GPR85: variants seen among roughly 807,000 people sequenced by gnomAD.
GPR85 encodes the protein G protein-coupled receptor 85, also known as probable G protein-coupled receptor 85.
In GPR85, 7 loss-of-function variants were observed where a neutral mutation model predicts 21.3. The ratio of observed to expected loss-of-function variants is 0.33; its 90% CI spans 0.19 to 0.62. GPR85 has a LOEUF of 0.62. GPR85 is among the 20% of genes least tolerant of loss of function. The pLI is 0.80. For missense variants in GPR85, 299 were observed against 443.8 expected (o/e 0.67, Z 2.93); for synonymous variants, 167 against 166.1 (o/e 1.01, Z -0.04).
chr7:113,085,476 C>T (rs957660292), intron 2 of GPR85, among the ~76,000 whole-genome samples: 1 of 152,200 alleles, frequency 6.6e-6, no homozygotes, highest in Middle Eastern at 3.2e-3. Context: ...TCCCTCTCCA[C>T]CCTACCCCCC....
chr7:113,083,593 A>G lies in GPR85; in HGVS notation c.*16T>C, dbSNP rs1274581655. On this transcript the variant is annotated 3_prime_UTR_variant, in exon 3 of 3. Coordinates refer to ENST00000424100, the MANE Select transcript of GPR85 (RefSeq NM_001146267.2). The surrounding 1 kb of genome is among the most constrained non-coding windows in gnomAD (Gnocchi z 4.4). ...AAGGTTAGTTTTCACAAGGCTAAAG[A>G]TTTACAGATGCTCCCTCATATAACA... 6.3e-7 allele frequency: 1 copy of G among 1,598,890 alleles called. No individual in the cohort carries two copies. The highest frequency in any genetic ancestry group is 1.1e-5 in the South Asian group (1 of 88,004).
Position 113,084,012 on chromosome 7 carries a change from C to A in GPR85, c.710G>T (p.Gly237Val), listed in dbSNP as rs1229837952. Residue 237 changes from glycine to valine, a missense_variant, in exon 3 of 3, where the codon GGC becomes GTC. Gly to Val is a moderately radical substitution (Grantham distance 109). Coordinates refer to ENST00000424100, the MANE Select transcript of GPR85 (RefSeq NM_001146267.2). Reference protein sequence around the residue: ...NWTFHGPGASGQAAANWLAGF... With the variant: ...NWTFHGPGASVQAAANWLAGF... ...TGCTAGCCAATTGGCAGCTGCCTGG[C>A]CACTGGCTCCAGGACCATGAAAAGT... The A allele has an allele frequency of 6.2e-7, 1 of 1,614,178 alleles. No homozygotes were observed.
In GPR85 at chr7:113,082,309, G is replaced by A. The variant is rs1332087585; in HGVS notation, c.*1300C>T. On this transcript the variant is annotated 3_prime_UTR_variant, in exon 3 of 3. Transcript: ENST00000424100. ...ATTTTGGCAAATGCAACTTTATATT[G>A]AAGTTCACACATCTGTATCTTAAAG... is the stretch of plus-strand genomic sequence containing the variant. 1 of 152,440 alleles carries A rather than the reference G, an allele frequency of 6.6e-6. No individual in the cohort carries two copies. Among genetic ancestry groups the A allele is most frequent in the Non-Finnish European group, 1.5e-5 (1 of 68,002 alleles). 9.4% of individuals were successfully genotyped at this position (152,440 alleles called of 1,614,324 possible).
chr7:113,086,436 T>TTTTTTTTTTTTTTTTTTTC lies in GPR85; in HGVS notation c.-404_-403insGAAAAAAAAAAAAAAAAAA, dbSNP rs1794304562. 8.4e-6 allele frequency: 1 copy of TTTTTTTTTTTTTTTTTTTC among 118,994 alleles called. No individual in the cohort carries two copies. The highest frequency in any genetic ancestry group is 1.8e-5 in the Non-Finnish European group (1 of 56,302). The allele number at this position is 118,994 out of a possible 1,614,324, so 7.4% of individuals were successfully genotyped here. A position where few individuals can be genotyped will look rare whatever the true frequency, so the allele number is the denominator to read the frequency against. ...TTTTTTGTTTTTTGTTTTTTTTTTT[T>TTTTTTTTTTTTTTTTTTTC]TTTTTTTTGCCTTAGTGCCTTGACT... On this transcript the variant is annotated 5_prime_UTR_variant, in exon 1 of 3. The change abolishes the stop of an existing upstream ORF in the 5' untranslated region. Coordinates refer to ENST00000424100, the MANE Select transcript of GPR85 (RefSeq NM_001146267.2).
In GPR85 at chr7:113,083,523, A is replaced by T. The variant is rs376263869; in HGVS notation, c.*86T>A. On this transcript the variant is annotated 3_prime_UTR_variant, in exon 3 of 3. Transcript: ENST00000424100. The surrounding 1 kb of genome is among the most constrained non-coding windows in gnomAD (Gnocchi z 4.4). The stretch of plus-strand genomic sequence containing the variant: ...TTAAAACTGCTGATTCCATTCTTGA[A>T]TTTCTTCTCAAAATATGGCTATGGG... 1 of 1,244,046 alleles carries T rather than the reference A, an allele frequency of 8.0e-7. No homozygotes were observed. The highest frequency in any genetic ancestry group is 2.3e-5 in the East Asian group (1 of 42,920). 77.1% of individuals were successfully genotyped at this position (1,244,046 alleles called of 1,614,324 possible).
chr7:113,084,993 T>C (rs1445922236), intron 2 of GPR85, 102 bp from the exon 3 acceptor site: 1 of 324,568 alleles, frequency 3.1e-6, no homozygotes, highest in Admixed American at 4.5e-5. Context: ...GCAAATAAAG[T>C]TTTAATTTTG....
chr7:113,087,202 A>G (rs1794333185), upstream of GPR85, among the ~76,000 whole-genome samples: 2 of 152,292 alleles, frequency 1.3e-5, no homozygotes, highest in Non-Finnish European at 2.9e-5. Flanking sequence ...CAACTACAAT[A>G]TGATTTACAT....
Position 113,086,398 on chromosome 7 carries a change from T to TTTTC in GPR85, c.-366_-365insGAAA. 1 of 24,838 alleles carries TTTTC rather than the reference T, an allele frequency of 4.0e-5. No individual in the cohort carries two copies. Among genetic ancestry groups the TTTTC allele is most frequent in the East Asian group, 2.0e-3 (1 of 508 alleles). 1.5% of individuals were successfully genotyped at this position (24,838 alleles called of 1,614,324 possible). A position where few individuals can be genotyped will look rare whatever the true frequency, so the allele number is the denominator to read the frequency against. ...GATTTTTTTCTTTTTTTCTTTTTCT[T>TTTTC]TTTTTTTTTTTTTTTTTTGTTTTTT... is the stretch of plus-strand genomic sequence containing the variant. On this transcript the variant is annotated 5_prime_UTR_variant, in exon 1 of 3. It introduces an in-frame stop codon into an upstream open reading frame of the 5' UTR. Coordinates refer to ENST00000424100, the MANE Select transcript of GPR85 (RefSeq NM_001146267.2).
chr7:113,086,420 T>TTTTTTTTTTTTTTTTTTTTTTTTTC lies in GPR85; in HGVS notation c.-388_-387insGAAAAAAAAAAAAAAAAAAAAAAAA, dbSNP rs1794297534. On this transcript the variant is annotated 5_prime_UTR_variant, in exon 1 of 3. An upstream open reading frame in the 5' UTR loses its in-frame stop. Transcript: ENST00000424100. Reference sequence around the variant, plus strand: ...TCTTTTTTTTTTTTTTTTTTTTGTTTTTTGTTTTTTTTTTTTTTTTTTTTG... The same window carrying TTTTTTTTTTTTTTTTTTTTTTTTTC: ...TCTTTTTTTTTTTTTTTTTTTTGTTTTTTTTTTTTTTTTTTTTTTTTTTTCTTTGTTTTTTTTTTTTTTTTTTTTG... 1.1e-5 allele frequency: 1 copy of TTTTTTTTTTTTTTTTTTTTTTTTTC among 88,708 alleles called. No individual in the cohort carries two copies. Among genetic ancestry groups the TTTTTTTTTTTTTTTTTTTTTTTTTC allele is most frequent in the African/African-American group, 4.7e-5 (1 of 21,388 alleles). 5.5% of individuals were successfully genotyped at this position (88,708 alleles called of 1,614,324 possible).
In GPR85 at chr7:113,086,398, T is replaced by TTTTTTTTTG. The variant is rs1794287048; in HGVS notation, c.-366_-365insCAAAAAAAA. ...GATTTTTTTCTTTTTTTCTTTTTCTTTTTTTTTTTTTTTTTTTTGTTTTTT... is the reference window on the plus strand; with the variant it reads ...GATTTTTTTCTTTTTTTCTTTTTCTTTTTTTTTTGTTTTTTTTTTTTTTTTTTGTTTTTT... On this transcript the variant is annotated 5_prime_UTR_variant, in exon 1 of 3. Transcript: ENST00000424100. The TTTTTTTTTG allele has an allele frequency of 4.0e-5, 1 of 24,814 alleles. No homozygotes were observed. The highest frequency in any genetic ancestry group is 8.1e-5 in the Non-Finnish European group (1 of 12,322). 1.5% of individuals were successfully genotyped at this position (24,814 alleles called of 1,614,324 possible). A position where few individuals can be genotyped will look rare whatever the true frequency, so the allele number is the denominator to read the frequency against.
rs1794287139 is a variant in GPR85, at chr7:113,086,398, T to TTTTTTTTTTTTTTTTG, written c.-366_-365insCAAAAAAAAAAAAAAA. 2.0e-4 allele frequency: 5 copies of TTTTTTTTTTTTTTTTG among 24,836 alleles called. No homozygotes were observed. Among genetic ancestry groups the TTTTTTTTTTTTTTTTG allele is most frequent in the South Asian group, 1.0e-3 (1 of 976 alleles). The allele number at this position is 24,836 out of a possible 1,614,324, so 1.5% of individuals were successfully genotyped here. ...GATTTTTTTCTTTTTTTCTTTTTCT[T>TTTTTTTTTTTTTTTTG]TTTTTTTTTTTTTTTTTTGTTTTTT... is the stretch of plus-strand genomic sequence containing the variant. On this transcript the variant is annotated 5_prime_UTR_variant, in exon 1 of 3. An upstream open reading frame in the 5' UTR loses its in-frame stop. Transcript: ENST00000424100.
rs1402374020 is a variant in GPR85 at position 113,084,816 on chromosome 7, A to G, written c.-95T>C. 9 of 884,644 alleles carry G rather than the reference A, an allele frequency of 1.0e-5. No individual in the cohort carries two copies. The South Asian group carries it at 1.4e-4, about 14-fold the overall frequency. 54.8% of individuals were successfully genotyped at this position (884,644 alleles called of 1,614,324 possible). Reference sequence around the variant, plus strand: ...TAGATCCATACATTTTACTGAAAATATAATCCACAAAGAGAACTGATCTGA... The same window carrying G: ...TAGATCCATACATTTTACTGAAAATGTAATCCACAAAGAGAACTGATCTGA... On this transcript the variant is annotated 5_prime_UTR_variant, in exon 3 of 3. Coordinates refer to ENST00000424100, the MANE Select transcript of GPR85 (RefSeq NM_001146267.2).
intron 2 of GPR85, among the ~76,000 whole-genome samples, chr7:113,085,166 A>C (rs1794241720): frequency 6.6e-6 from 1 of 152,178 alleles, no homozygotes; most frequent in South Asian, 2.1e-4. Flanking sequence ...CATTCTTGTA[A>C]AATATGCCAG....
At position 113,086,423 on chromosome 7, in the gene GPR85, T is replaced by TTTTTTTTTTTTTTTTTTTTTTTTTC. The variant is rs1794298055; in HGVS notation, c.-391_-390insGAAAAAAAAAAAAAAAAAAAAAAAA. 1.3e-5 allele frequency: 1 copy of TTTTTTTTTTTTTTTTTTTTTTTTTC among 78,066 alleles called. No individual in the cohort carries two copies. The highest frequency in any genetic ancestry group is 5.6e-5 in the African/African-American group (1 of 17,832). 4.8% of individuals were successfully genotyped at this position (78,066 alleles called of 1,614,324 possible). A position where few individuals can be genotyped will look rare whatever the true frequency, so the allele number is the denominator to read the frequency against. On this transcript the variant is annotated 5_prime_UTR_variant, in exon 1 of 3. It removes the in-frame stop codon of an upstream open reading frame in the 5' UTR. Transcript: ENST00000424100. ...TTTTTTTTTTTTTTTTTTTGTTTTT[T>TTTTTTTTTTTTTTTTTTTTTTTTTC]GTTTTTTTTTTTTTTTTTTTTGCCT...
At position 113,086,431 on chromosome 7, in the gene GPR85, T is replaced by TTTTTTTTTG. The variant is rs1794302248; in HGVS notation, c.-399_-398insCAAAAAAAA. The TTTTTTTTTG allele has an allele frequency of 8.3e-5, 9 of 108,230 alleles. 1 individual carries two copies. Among genetic ancestry groups the TTTTTTTTTG allele is most frequent in the Non-Finnish European group, 9.5e-5 (5 of 52,468 alleles). The allele number at this position is 108,230 out of a possible 1,614,324, so 6.7% of individuals were successfully genotyped here. A position where few individuals can be genotyped will look rare whatever the true frequency, so the allele number is the denominator to read the frequency against. On this transcript the variant is annotated 5_prime_UTR_variant, in exon 1 of 3. Transcript: ENST00000424100. ...TTTTTTTTTTTGTTTTTTGTTTTTT[T>TTTTTTTTTG]TTTTTTTTTTTTTGCCTTAGTGCCT...
Position 113,086,400 on chromosome 7 carries a change from T to TTTTTTTTTTTTTTTTG in GPR85, c.-368_-367insCAAAAAAAAAAAAAAA, listed in dbSNP as rs1794288155. On this transcript the variant is annotated 5_prime_UTR_variant, in exon 1 of 3. An upstream open reading frame in the 5' UTR loses its in-frame stop. Coordinates refer to ENST00000424100, the MANE Select transcript of GPR85 (RefSeq NM_001146267.2). ...TTTTTTTCTTTTTTTCTTTTTCTTTTTTTTTTTTTTTTTTTTGTTTTTTGT... is the reference window on the plus strand; with the variant it reads ...TTTTTTTCTTTTTTTCTTTTTCTTTTTTTTTTTTTTTTTTTGTTTTTTTTTTTTTTTTGTTTTTTGT... 1.2e-5 allele frequency: 1 copy of TTTTTTTTTTTTTTTTG among 85,312 alleles called. No individual in the cohort carries two copies. Among genetic ancestry groups the TTTTTTTTTTTTTTTTG allele is most frequent in the African/African-American group, 5.3e-5 (1 of 18,710 alleles). The allele number at this position is 85,312 out of a possible 1,614,324, so 5.3% of individuals were successfully genotyped here. A position where few individuals can be genotyped will look rare whatever the true frequency, so the allele number is the denominator to read the frequency against.
At chr7:113,085,012 T>C (rs1255561153) in intron 2 of GPR85, 121 bp from the exon 3 acceptor site, 2 of 275,304 alleles carry the variant, frequency 7.3e-6, no homozygotes, top group Non-Finnish European at 1.4e-5. Flanking sequence ...TGAATACTAA[T>C]ATTTGCTTTA....
Position 113,084,452 on chromosome 7 carries a change from C to T in GPR85, c.270G>A (p.Gly90=). The change falls in exon 3 of 3, where the codon GGG becomes GGA. Residue 90 remains glycine (G), a synonymous_variant. Transcript: ENST00000424100. ...SVKNGSTWTY[G]TLTCKVIAFL... is the part of the protein sequence containing the mutation. ...AGGCAATCACTTTGCAAGTCAGAGTCCCATAAGTCCAGGTAGAACCATTTT... is the reference window on the plus strand; with the variant it reads ...AGGCAATCACTTTGCAAGTCAGAGTTCCATAAGTCCAGGTAGAACCATTTT... The T allele has an allele frequency of 6.2e-7, 1 of 1,614,034 alleles. No homozygotes were observed. Among genetic ancestry groups the T allele is most frequent in the African/African-American group, 1.3e-5 (1 of 75,024 alleles).
rs1432745037 is a variant in GPR85, at chr7:113,084,397, C to T, written c.325G>A (p.Ala109Thr). The change falls in exon 3 of 3, where the codon GCT becomes ACT. Residue 109 changes from alanine (A) to threonine (T), a missense_variant. By Grantham distance (58) the Ala-to-Thr change is moderately conservative (BLOSUM62 0). Coordinates refer to ENST00000424100, the MANE Select transcript of GPR85 (RefSeq NM_001146267.2). ...ACACTGATGCAGAAGAGCATGAAAGCAGTGTGGAAACAGGACAAAACCCCC... is the reference window on the plus strand; with the variant it reads ...ACACTGATGCAGAAGAGCATGAAAGTAGTGTGGAAACAGGACAAAACCCCC... ...FLGVLSCFHT[A>T]FMLFCISVTR... The T allele has an allele frequency of 6.2e-7, 1 of 1,613,772 alleles. No homozygotes were observed. Among genetic ancestry groups the T allele is most frequent in the African/African-American group, 1.3e-5 (1 of 75,006 alleles).
Sources: allele counts gnomAD v4.1 joint callset (sites outside exome capture counted in the v4.1 genomes callset), GRCh38; gene constraint gnomAD v4.1.1; non-coding constraint Gnocchi (gnomAD v3.1); transcripts MANE v1.5; gene names NCBI Gene and HGNC (gene_info 2026-07-23, HGNC 2026-07-21).